Variants in SYT9 observed in about 807,000 individuals in gnomAD.
The protein encoded by SYT9 is synaptotagmin 9, also known as synaptotagmin-9.
In SYT9, 22 loss-of-function variants were observed where a neutral mutation model predicts 48.4. The observed-to-expected ratio is 0.45, with a 90% CI of 0.32 to 0.65. SYT9 has a LOEUF of 0.65. Among genes scored for constraint, SYT9 ranks in the 30% least tolerant of loss-of-function variants. SYT9 has a pLI of 0.03. For synonymous variants in SYT9, 265 were observed against 245.0 expected (o/e 1.08, Z -0.76); for missense variants, 577 against 622.0 (o/e 0.93, Z 0.77).
intron 3 of SYT9, among the ~76,000 whole-genome samples, chr11:7,318,152 G>A (rs572776610): frequency 2.4e-4 from 37 of 151,908 alleles, no homozygotes; most frequent in African/African-American, 7.2e-4. Context: ...AATTTTCTAC[G>A]TTAAGATCTT....
chr11:7,381,921 C>T (rs745497551), intron 3 of SYT9, among the ~76,000 whole-genome samples: 1 of 152,110 alleles, frequency 6.6e-6, no homozygotes, highest in Non-Finnish European at 1.5e-5. Context: ...ACTCCAGAAG[C>T]CTTTGGAGGA....
chr11:7,418,264 A>G, intron 5 of SYT9, 136 bp downstream of exon 5: 1 of 925,860 alleles, frequency 1.1e-6, no homozygotes, highest in Non-Finnish European at 1.6e-6. Context: ...GTGCATGGGA[A>G]GCACATTGAC....
chr11:7,432,402 C>T (rs1847592126), intron 6 of SYT9, among the ~76,000 whole-genome samples: 1 of 151,328 alleles, frequency 6.6e-6, no homozygotes, highest in Non-Finnish European at 1.5e-5. Flanking sequence ...CAAAAATTAG[C>T]TGGGCATGGT....
At chr11:7,325,914 T>C (rs61889387) in intron 3 of SYT9, among the ~76,000 whole-genome samples, 10,518 of 46,388 alleles carry the variant, frequency 0.23, 13 homozygotes, top group East Asian at 0.26. Flanking sequence ...CTGGATTACA[T>C]TTATTGATTT....
rs1414376215 is a variant in SYT9 at position 7,467,476 on chromosome 11, CTAAAACCAGA to C, written c.*678_*687del. ...AGTATCAACATGGCCCTGTTTTCTG[CTAAAACCAGA>C]TTTTGAGGAATCAGAGACCCCCAAC... On this transcript the variant is annotated 3_prime_UTR_variant, in exon 7 of 7. Transcript: ENST00000318881. The C allele has an allele frequency of 6.6e-6, 1 of 152,208 alleles. No homozygotes were observed. Among genetic ancestry groups the C allele is most frequent in the East Asian group, 1.9e-4 (1 of 5,196 alleles). The allele number at this position is 152,208 out of a possible 1,614,324, so 9.4% of individuals were successfully genotyped here. A position where few individuals can be genotyped will look rare whatever the true frequency, so the allele number is the denominator to read the frequency against.
chr11:7,324,732 T>C (rs1013725188), intron 3 of SYT9, among the ~76,000 whole-genome samples: 1 of 152,016 alleles, frequency 6.6e-6, no homozygotes, highest in Admixed American at 6.6e-5. Flanking sequence ...TAATTAAAAA[T>C]GTGATTGGAT....
At chr11:7,368,669 C>G (rs1850296928) in intron 3 of SYT9, among the ~76,000 whole-genome samples, 1 of 152,112 alleles carries the variant, frequency 6.6e-6, no homozygotes, top group Non-Finnish European at 1.5e-5. Context: ...TCCAGCTTCA[C>G]CCATGTCCCT....
At chr11:7,431,062 GATGAGAGAA>G (rs777737057) in intron 6 of SYT9, among the ~76,000 whole-genome samples, 5 of 152,208 alleles carry the variant, frequency 3.3e-5, no homozygotes, top group Non-Finnish European at 7.3e-5. Context: ...AAGACAGAAA[GATGAGAGAA>G]AGTTTGGAAC....
chr11:7,273,468 G>T (rs1011586175), intron 1 of SYT9, among the ~76,000 whole-genome samples: 2 of 152,154 alleles, frequency 1.3e-5, no homozygotes, highest in African/African-American at 4.8e-5. Context: ...GAAGAACATA[G>T]TTAAAGTGCG....
chr11:7,448,071 C>T (rs1364434322), intron 6 of SYT9, among the ~76,000 whole-genome samples: 1 of 152,232 alleles, frequency 6.6e-6, no homozygotes, highest in Non-Finnish European at 1.5e-5. Context: ...ACAGCATGAG[C>T]TCTGCCTCTC....
At chr11:7,297,303 A>G (rs1487774910) in intron 1 of SYT9, among the ~76,000 whole-genome samples, 1 of 152,218 alleles carries the variant, frequency 6.6e-6, no homozygotes, top group East Asian at 1.9e-4. Context: ...AGAGGTTAAT[A>G]TAATAAACTC....
At chr11:7,290,668 G>A (rs941580741) in intron 1 of SYT9, among the ~76,000 whole-genome samples, 9 of 152,132 alleles carry the variant, frequency 5.9e-5, no homozygotes, top group East Asian at 3.8e-4. Flanking sequence ...TTAGAATTTT[G>A]TAACTCATTA....
intron 1 of SYT9, among the ~76,000 whole-genome samples, chr11:7,263,021 G>C (rs1396409976): frequency 1.3e-5 from 2 of 151,804 alleles, no homozygotes; most frequent in South Asian, 2.1e-4. Context: ...AAGAGGGGAG[G>C]ATTGCTAGAA....
chr11:7,384,694 T>A (rs1850625068), intron 3 of SYT9, among the ~76,000 whole-genome samples: 1 of 152,200 alleles, frequency 6.6e-6, no homozygotes, highest in African/African-American at 2.4e-5. Flanking sequence ...TTGAGCTGTG[T>A]TGTGCTACTT....
intron 3 of SYT9, among the ~76,000 whole-genome samples, chr11:7,332,204 C>T (rs1453864106): frequency 6.6e-6 from 1 of 152,160 alleles, no homozygotes; most frequent in Non-Finnish European, 1.5e-5. Flanking sequence ...ACAAGGAGCT[C>T]TGGAGCGTGA....
chr11:7,386,456 A>T (rs1449501475), intron 3 of SYT9, among the ~76,000 whole-genome samples: 4 of 151,984 alleles, frequency 2.6e-5, no homozygotes, highest in Non-Finnish European at 5.9e-5. Context: ...TACAAGAAAA[A>T]AAAAAACAAC....
At chr11:7,447,873 G>C (rs1260921578) in intron 6 of SYT9, among the ~76,000 whole-genome samples, 1 of 152,244 alleles carries the variant, frequency 6.6e-6, no homozygotes, top group African/African-American at 2.4e-5. Flanking sequence ...GGCTGAATGA[G>C]AGCAAGAGGG....
At chr11:7,357,742 A>T (rs910471654) in intron 3 of SYT9, among the ~76,000 whole-genome samples, 13 of 152,118 alleles carry the variant, frequency 8.5e-5, no homozygotes, top group Non-Finnish European at 1.0e-4. Context: ...ACATGGATTG[A>T]TTATTCTTAG....
At chr11:7,430,544 C>T (rs1013385206) in intron 6 of SYT9, among the ~76,000 whole-genome samples, 2 of 152,164 alleles carry the variant, frequency 1.3e-5, no homozygotes, top group South Asian at 2.1e-4. Flanking sequence ...TACTAAAGAG[C>T]GGTCATAAAA....
Sources: gnomAD v4.1 joint callset for allele counts (sites outside exome capture counted in the v4.1 genomes callset) on GRCh38, gnomAD v4.1.1 for gene constraint, MANE v1.5 for transcripts, NCBI Gene and HGNC (gene_info 2026-07-23, HGNC 2026-07-21) for gene names.